Variants in GRIA1 observed in about 807,000 individuals in gnomAD.
GRIA1 encodes the protein glutamate ionotropic receptor AMPA type subunit 1, also known as glutamate receptor 1.
GRIA1 carries 31 observed loss-of-function variants against 99.2 expected under a neutral mutation model. That is an observed-to-expected ratio of 0.31 (90% CI 0.23 to 0.42). GRIA1 has a LOEUF of 0.42. Among genes scored for constraint, GRIA1 ranks in the 10% least tolerant of loss-of-function variants. The pLI is 1.00. For missense variants in GRIA1, 782 were observed against 1,157.5 expected (o/e 0.68, Z 4.71); for synonymous variants, 438 against 432.4 (o/e 1.01, Z -0.16).
rs967337034 is a variant in GRIA1, at chr5:153,625,314, C to T, written c.221-21614C>T. Reference sequence around the variant, plus strand: ...CTTTGGGCAAGGCTCTTTCCTGGTCCCAGCCCAGCCCCAGCTATTCAGCAT... The same window carrying T: ...CTTTGGGCAAGGCTCTTTCCTGGTCTCAGCCCAGCCCCAGCTATTCAGCAT... On this transcript the variant is annotated intron_variant, in intron 2 of 15. Transcript: ENST00000285900. Among the ~76,000 whole-genome samples, 65 of 152,246 alleles carry T rather than the reference C, an allele frequency of 4.3e-4. 1 individual carries two copies. The highest frequency in any genetic ancestry group is 2.4e-3 in the Admixed American group (36 of 15,294).
chr5:153,514,143 G>A (rs1450471868), intron 2 of GRIA1, among the ~76,000 whole-genome samples: 1 of 152,152 alleles, frequency 6.6e-6, no homozygotes, highest in South Asian at 2.1e-4. Flanking sequence ...ACTCTCAAGG[G>A]AGTAAAACTG....
chr5:153,502,801 TGAAAGTAAAGTTTGA>T (rs1207279184), intron 2 of GRIA1, among the ~76,000 whole-genome samples: 3 of 152,180 alleles, frequency 2.0e-5, no homozygotes, highest in African/African-American at 7.2e-5. Context: ...ACCTCTAGGA[TGAAAGTAAAGTTTGA>T]GAATAGCCTT....
chr5:153,588,505 C>T (rs1185400508), intron 2 of GRIA1, among the ~76,000 whole-genome samples: 1 of 152,188 alleles, frequency 6.6e-6, no homozygotes, highest in African/African-American at 2.4e-5. Context: ...AACCATATAA[C>T]ATGATGTTAG....
intron 14 of GRIA1, among the ~76,000 whole-genome samples, chr5:153,795,171 G>A (rs1765568608): frequency 6.6e-6 from 1 of 152,114 alleles, no homozygotes; most frequent in Non-Finnish European, 1.5e-5. Flanking sequence ...CTGTGGACAG[G>A]GAGGGTCCCC....
intron 11 of GRIA1, among the ~76,000 whole-genome samples, chr5:153,706,695 T>C (rs2149522027): frequency 6.6e-6 from 1 of 152,314 alleles, no homozygotes; most frequent in South Asian, 2.1e-4. Context: ...GATGTTGGCG[T>C]CTTCATCTTA....
intron 2 of GRIA1, among the ~76,000 whole-genome samples, chr5:153,603,000 G>A (rs1340817244): frequency 6.6e-6 from 1 of 152,068 alleles, no homozygotes; most frequent in Non-Finnish European, 1.5e-5. Context: ...CTAGGAAGAT[G>A]AACAGTATAT....
chr5:153,771,773 G>A (rs560470850), intron 13 of GRIA1, among the ~76,000 whole-genome samples: 7 of 152,198 alleles, frequency 4.6e-5, no homozygotes, highest in Middle Eastern at 3.4e-3. Context: ...AACTAAAAGC[G>A]TAAGCTTATT....
intron 2 of GRIA1, among the ~76,000 whole-genome samples, chr5:153,532,630 C>G (rs1026712968): frequency 3.9e-5 from 6 of 152,142 alleles, no homozygotes; most frequent in African/African-American, 1.4e-4. Flanking sequence ...TTATTATTAT[C>G]CTTGCTTTTG....
chr5:153,726,325 A>G (rs1380054669), intron 11 of GRIA1, among the ~76,000 whole-genome samples: 1 of 149,064 alleles, frequency 6.7e-6, no homozygotes, highest in Admixed American at 6.7e-5. Context: ...ATCACAATTA[A>G]AAGAACTAGA....
At chr5:153,730,371 G>A (rs543092188) in intron 11 of GRIA1, among the ~76,000 whole-genome samples, 3 of 152,138 alleles carry the variant, frequency 2.0e-5, no homozygotes, top group Admixed American at 6.6e-5. Flanking sequence ...TGTATGTTGA[G>A]CTAGTGAATA....
intron 4 of GRIA1, among the ~76,000 whole-genome samples, chr5:153,652,809 T>A (rs1335123291): frequency 2.6e-5 from 4 of 152,234 alleles, no homozygotes; most frequent in African/African-American, 9.6e-5. Context: ...GATTAAGTTA[T>A]TTGCCTTAGA....
intron 2 of GRIA1, among the ~76,000 whole-genome samples, chr5:153,643,683 C>T (rs1213631812): frequency 6.6e-6 from 1 of 152,176 alleles, no homozygotes; most frequent in East Asian, 1.9e-4. Flanking sequence ...CAAGTAAATC[C>T]AGGCCAGGCT....
rs558532628 is a variant in GRIA1, at chr5:153,507,559, A to G, written c.220+13494A>G. On this transcript the variant is annotated intron_variant, in intron 2 of 15. Coordinates refer to ENST00000285900, the MANE Select transcript of GRIA1 (RefSeq NM_000827.4). ...CCTTAAAATGTGGGTGTCTGGTTTC[A>G]ACTTCTCCATATAATCAATATTATG... 3.3e-5 allele frequency among the ~76,000 whole-genome samples: 5 copies of G among 152,268 alleles called. No individual in the cohort carries two copies. In the East Asian group the frequency reaches 9.6e-4, roughly 29 times the overall value.
In GRIA1 at chr5:153,650,461, C is replaced by T. The variant is rs766140803; in HGVS notation, c.592C>T (p.Arg198Trp). The part of the protein sequence containing the change: ...LFQDLEKKKE[R>W]LVVVDCESER... ...TCAGGACCTGGAGAAGAAAAAGGAGCGGCTGGTGGTGGTGGACTGTGAATC... is the reference window on the plus strand; with the variant it reads ...TCAGGACCTGGAGAAGAAAAAGGAGTGGCTGGTGGTGGTGGACTGTGAATC... The change falls in exon 4 of 16, where the codon CGG becomes TGG. Residue 198 changes from arginine to tryptophan, a missense_variant. Coordinates refer to ENST00000285900, the MANE Select transcript of GRIA1 (RefSeq NM_000827.4). 64 of 1,613,750 alleles carry T rather than the reference C, an allele frequency of 4.0e-5. No homozygotes were observed. The highest frequency in any genetic ancestry group is 1.5e-4 in the Admixed American group (9 of 59,966).
intron 11 of GRIA1, among the ~76,000 whole-genome samples, chr5:153,710,854 T>C (rs889693599): frequency 2.1e-4 from 32 of 152,160 alleles, no homozygotes; most frequent in African/African-American, 7.7e-4. Context: ...GTGCTATGAA[T>C]AAAATGAACC....
At chr5:153,525,957 C>T (rs1410519621) in intron 2 of GRIA1, among the ~76,000 whole-genome samples, 1 of 152,104 alleles carries the variant, frequency 6.6e-6, no homozygotes, top group Non-Finnish European at 1.5e-5. Flanking sequence ...GTCAAGTTTC[C>T]TATTAGTAAT....
intron 14 of GRIA1, among the ~76,000 whole-genome samples, chr5:153,801,736 C>T (rs114662686): frequency 0.019 from 2,939 of 152,172 alleles, 45 homozygotes; most frequent in Middle Eastern, 0.078. Context: ...TTCTAAGCCC[C>T]CTAGTTTTTC....
At chr5:153,687,360 T>C (rs1224323760) in intron 8 of GRIA1, among the ~76,000 whole-genome samples, 1 of 152,172 alleles carries the variant, frequency 6.6e-6, no homozygotes, top group Non-Finnish European at 1.5e-5. Context: ...TGTTCCTTAA[T>C]TCTCTTATCT....
At chr5:153,634,588 A>G (rs1753218745) in intron 2 of GRIA1, among the ~76,000 whole-genome samples, 1 of 152,170 alleles carries the variant, frequency 6.6e-6, no homozygotes, top group African/African-American at 2.4e-5. Flanking sequence ...AGGCAGGGCC[A>G]GAACTCAGAG....
Sources: gnomAD v4.1 joint callset for allele counts (sites outside exome capture counted in the v4.1 genomes callset) on GRCh38, gnomAD v4.1.1 for gene constraint, MANE v1.5 for transcripts, NCBI Gene and HGNC (gene_info 2026-07-23, HGNC 2026-07-21) for gene names.